Variants in ETFDH observed in about 807,000 individuals in gnomAD.
ETFDH encodes the protein electron transfer flavoprotein-ubiquinone oxidoreductase, mitochondrial.
A neutral mutation model predicts 73.2 loss-of-function variants in ETFDH; 61 were observed. The ratio of observed to expected loss-of-function variants is 0.83; its 90% CI spans 0.68 to 1.03. The LOEUF (loss-of-function observed/expected upper bound fraction) is 1.03. Among genes scored for constraint, ETFDH ranks in the 50% least tolerant of loss-of-function variants. The probability of loss-of-function intolerance (pLI) is 0.00; values close to 1 mark genes in which losing one functional copy is unlikely to be tolerated. For missense variants in ETFDH, 685 were observed against 745.0 expected (o/e 0.92, Z 0.94); for synonymous variants, 243 against 253.3 (o/e 0.96, Z 0.39).
At chr4:158,705,333 A>C (rs570670056) in intron 10 of ETFDH, among the ~76,000 whole-genome samples, 2 of 152,288 alleles carry the variant, frequency 1.3e-5, no homozygotes, top group South Asian at 4.1e-4. Context: ...AAGTAGCTGG[A>C]AATTACAGGC....
At chr4:158,692,337 T>C (rs1181506683) in intron 6 of ETFDH, among the ~76,000 whole-genome samples, 1 of 148,406 alleles carries the variant, frequency 6.7e-6, no homozygotes, top group Non-Finnish European at 1.5e-5. Context: ...GAGGCGGAGC[T>C]TGCAGTGAGC....
At chr4:158,695,709 G>A (rs1774292746) in intron 7 of ETFDH, 66 bp downstream of exon 7, 6 of 1,119,884 alleles carry the variant, frequency 5.4e-6, no homozygotes, top group Non-Finnish European at 8.2e-6. Context: ...TGTATTATCA[G>A]GTAGTTTATA....
chr4:158,677,760 AAGGGAGAGGGTATAATG>A (rs1358807035), intron 1 of ETFDH, among the ~76,000 whole-genome samples: 1 of 152,174 alleles, frequency 6.6e-6, no homozygotes, highest in Non-Finnish European at 1.5e-5. Flanking sequence ...TAAACTCCAA[AAGGGAGAGGGTATAATG>A]AGGCATGTCT....
In ETFDH at chr4:158,708,812, A is replaced by T. The variant is rs556936391; in HGVS notation, c.*285A>T. The T allele has an allele frequency of 2.9e-6, 1 of 350,296 alleles. No homozygotes were observed. The highest frequency in any genetic ancestry group is 3.2e-5 in the South Asian group (1 of 31,732). 21.7% of individuals were successfully genotyped at this position (350,296 alleles called of 1,614,324 possible). Reference sequence around the variant, plus strand: ...CTGGACTTTACATTTGACTTGCCAAAGTTAAGTAATCAAATATAAAAATGA... The same window carrying T: ...CTGGACTTTACATTTGACTTGCCAATGTTAAGTAATCAAATATAAAAATGA... On this transcript the variant is annotated 3_prime_UTR_variant, in exon 13 of 13. Coordinates refer to ENST00000511912, the MANE Select transcript of ETFDH (RefSeq NM_004453.4).
rs937646249 is a variant in ETFDH at position 158,680,580 on chromosome 4, C to T, written c.148C>T (p.Pro50Ser). The T allele has an allele frequency of 3.7e-6, 6 of 1,609,662 alleles. No individual in the cohort carries two copies. In the East Asian group the frequency reaches 6.7e-5, roughly 18 times the overall value. Reference protein sequence around the residue: ...PRITTHYTIYPRDKDKRWEGV... With the variant: ...PRITTHYTIYSRDKDKRWEGV... ...AATTACTACCCATTATACTATTTATCCCCGGGATAAGGACAAGAGATGGGA... is the reference window on the plus strand; with the variant it reads ...AATTACTACCCATTATACTATTTATTCCCGGGATAAGGACAAGAGATGGGA... Residue 50 changes from proline to serine, a missense_variant, in exon 2 of 13, where the codon CCC becomes TCC. This residue lies in a region of ETFDH where 405 missense variants were observed against 399.3 expected (regional missense o/e 1.01). Coordinates refer to ENST00000511912, the MANE Select transcript of ETFDH (RefSeq NM_004453.4).
In ETFDH at chr4:158,703,481, T is replaced by C. The variant is rs1774520171; in HGVS notation, c.1175T>C (p.Met392Thr). The stretch of plus-strand genomic sequence containing the variant: ...CTAATTGGTTGTAGTCCTGGTTTTA[T>C]GAATGTTCCCAAGATCAAAGGTACT... Reference protein sequence around the residue: ...GLLIGCSPGFMNVPKIKGTHT... With the variant: ...GLLIGCSPGFTNVPKIKGTHT... The change falls in exon 10 of 13, where the codon ATG becomes ACG. Residue 392 changes from methionine (M) to threonine (T), a missense_variant. Met to Thr is a moderately conservative substitution (Grantham distance 81). Transcript: ENST00000511912. 6.2e-7 allele frequency: 1 copy of C among 1,611,586 alleles called. No individual in the cohort carries two copies. The highest frequency in any genetic ancestry group is 8.5e-7 in the Non-Finnish European group (1 of 1,177,874).
intron 10 of ETFDH, among the ~76,000 whole-genome samples, chr4:158,704,786 C>G (rs1390182839): frequency 6.6e-6 from 1 of 152,086 alleles, no homozygotes; most frequent in Admixed American, 6.6e-5. Flanking sequence ...AGGTATGTAA[C>G]CAGGTTATGC....
At chr4:158,687,387 T>C (rs1245307041) in intron 5 of ETFDH, among the ~76,000 whole-genome samples, 2 of 152,178 alleles carry the variant, frequency 1.3e-5, no homozygotes, top group African/African-American at 4.8e-5. Context: ...CAAAGCACCA[T>C]ATTTTGGGAT....
chr4:158,684,767 A>G (rs1282481902), intron 4 of ETFDH, 94 bp downstream of exon 4: 29 of 800,354 alleles, frequency 3.6e-5, no homozygotes, highest in Non-Finnish European at 2.0e-5. Context: ...TACAGACAAG[A>G]ACTGAGACCC....
intron 6 of ETFDH, among the ~76,000 whole-genome samples, chr4:158,691,545 G>C (rs1191337753): frequency 6.6e-6 from 1 of 151,864 alleles, no homozygotes; most frequent in Non-Finnish European, 1.5e-5. Context: ...CGCTGGTCTT[G>C]AACTCCTGTC....
chr4:158,673,168 G>T (rs958386738), intron 1 of ETFDH, among the ~76,000 whole-genome samples: 8 of 152,198 alleles, frequency 5.3e-5, no homozygotes, highest in Non-Finnish European at 1.2e-4. Flanking sequence ...GCTGGGCGTT[G>T]TGGCCCACTC....
At position 158,689,351 on chromosome 4, in the gene ETFDH, C is replaced by A. The variant is rs1053579167; in HGVS notation, c.607-997C>A. ...CTTGTTAAACATTGTTGACTGGAAT[C>A]GGTGTCAAAGTCACAGGTAGGTGGT... On this transcript the variant is annotated intron_variant, in intron 5 of 12. Transcript: ENST00000511912. Among the ~76,000 whole-genome samples the A allele has an allele frequency of 2.6e-5, 4 of 151,708 alleles. 1 individual carries two copies. Among genetic ancestry groups the A allele is most frequent in the Admixed American group, 2.6e-4 (4 of 15,220 alleles).
At position 158,695,550 on chromosome 4, in the gene ETFDH, A is replaced by G. The variant is rs1212314821; in HGVS notation, c.738A>G (p.Glu246=). 2 of 1,612,956 alleles carry G rather than the reference A, an allele frequency of 1.2e-6. No homozygotes were observed. The highest frequency in any genetic ancestry group is 1.7e-6 in the Non-Finnish European group (2 of 1,179,172). The change falls in exon 7 of 13, where the codon GAA becomes GAG. Residue 246 remains glutamate, a synonymous_variant. Coordinates refer to ENST00000511912, the MANE Select transcript of ETFDH (RefSeq NM_004453.4). ...ATGCTAAAGTCACAATTTTTGCAGA[A>G]GGTTGCCATGGACATCTAGCCAAGC... ...ELHAKVTIFA[E]GCHGHLAKQL...
chr4:158,673,011 C>G (rs1773617384), intron 1 of ETFDH, among the ~76,000 whole-genome samples: 1 of 152,144 alleles, frequency 6.6e-6, no homozygotes, highest in African/African-American at 2.4e-5. Context: ...TCTGCGTTGT[C>G]TAAAATTAAG....
In ETFDH at chr4:158,709,445, T is replaced by G. The variant is rs532579062; in HGVS notation, c.*918T>G. The G allele has an allele frequency of 4.9e-6, 1 of 203,630 alleles. No individual in the cohort carries two copies. The highest frequency in any genetic ancestry group is 2.3e-5 in the African/African-American group (1 of 42,898). The allele number at this position is 203,630 out of a possible 1,614,324, so 12.6% of individuals were successfully genotyped here. Reference sequence around the variant, plus strand: ...TACTTGGGAAGCTGAGGCAGGAGAATTGCTTGAACCCGGGAGGCAGAGGAT... The same window carrying G: ...TACTTGGGAAGCTGAGGCAGGAGAAGTGCTTGAACCCGGGAGGCAGAGGAT... On this transcript the variant is annotated 3_prime_UTR_variant, in exon 13 of 13. Coordinates refer to ENST00000511912, the MANE Select transcript of ETFDH (RefSeq NM_004453.4).
chr4:158,679,286 A>G (rs1347723940), intron 1 of ETFDH: 1 of 151,904 alleles, frequency 6.6e-6, no homozygotes, highest in Non-Finnish European at 1.5e-5. Flanking sequence ...TTTTTTAATG[A>G]TAGGGACGAT....
chr4:158,688,186 G>T (rs1049991586), intron 5 of ETFDH, among the ~76,000 whole-genome samples: 1 of 152,060 alleles, frequency 6.6e-6, no homozygotes, highest in African/African-American at 2.4e-5. Flanking sequence ...GAGGTCAAGA[G>T]ATCGAGACCA....
chr4:158,706,438 G>C (rs966628354), intron 11 of ETFDH, 67 bp downstream of exon 11: 2 of 1,311,790 alleles, frequency 1.5e-6, no homozygotes. Flanking sequence ...GTTAATTAGA[G>C]AAAGTGATTG....
intron 5 of ETFDH, among the ~76,000 whole-genome samples, chr4:158,688,274 C>G (rs1774060721): frequency 6.6e-6 from 1 of 151,358 alleles, no homozygotes; most frequent in Non-Finnish European, 1.5e-5. Flanking sequence ...CGCCTGTAGT[C>G]CCATCTACTC....
Sources: gnomAD v4.1 joint callset for allele counts (sites outside exome capture counted in the v4.1 genomes callset) on GRCh38, gnomAD v4.1.1 for gene constraint, gnomAD v4.1.1 regional missense constraint, MANE v1.5 for transcripts, NCBI Gene and HGNC (gene_info 2026-07-23, HGNC 2026-07-21) for gene names.